Variants in FAR2 observed in about 807,000 individuals in gnomAD.
The protein encoded by FAR2 is fatty acyl-CoA reductase 2.
Under a neutral mutation model 56.0 loss-of-function variants are expected in FAR2, and 19 were observed. The observed-to-expected ratio is 0.34, with a 90% CI of 0.24 to 0.50. FAR2 has a LOEUF of 0.50. Among genes scored for constraint, FAR2 ranks in the 20% least tolerant of loss-of-function variants. The pLI is 0.98. For synonymous variants in FAR2, 219 were observed against 218.8 expected (o/e 1.00, Z -0.01); for missense variants, 508 against 642.2 (o/e 0.79, Z 2.26).
chr12:29,321,168 C>CA (rs1949545033), intron 9 of FAR2, among the ~76,000 whole-genome samples: 1 of 151,570 alleles, frequency 6.6e-6, no homozygotes, highest in African/African-American at 2.4e-5. Flanking sequence ...CACTTCTGCC[C>CA]AAAAGTTACA....
intron 1 of FAR2, among the ~76,000 whole-genome samples, chr12:29,151,106 T>G (rs576696167): frequency 1.3e-5 from 2 of 152,204 alleles, no homozygotes; most frequent in Non-Finnish European, 2.9e-5. Flanking sequence ...CATTCTTGAG[T>G]GCATTTGTTT....
chr12:29,193,569 G>C (rs1371266673), intron 1 of FAR2, among the ~76,000 whole-genome samples: 1 of 152,110 alleles, frequency 6.6e-6, no homozygotes, highest in Non-Finnish European at 1.5e-5. Context: ...TCTTCTCATG[G>C]CTTGATAGCT....
chr12:29,189,250 G>T (rs1950077631), intron 1 of FAR2, among the ~76,000 whole-genome samples: 1 of 152,094 alleles, frequency 6.6e-6, no homozygotes, highest in Admixed American at 6.5e-5. Flanking sequence ...ATTTATATCA[G>T]TACAAACTCA....
intron 1 of FAR2, among the ~76,000 whole-genome samples, chr12:29,264,947 AAATACCTACAAATTAACC>A (rs931507396): frequency 9.2e-5 from 14 of 152,304 alleles, no homozygotes; most frequent in African/African-American, 3.4e-4. Context: ...ATAAAAAATT[AAATACCTACAAATTAACC>A]AATGAAATAA....
intron 1 of FAR2, among the ~76,000 whole-genome samples, chr12:29,220,474 G>A (rs1191851205): frequency 2.0e-5 from 3 of 152,160 alleles, no homozygotes; most frequent in Non-Finnish European, 4.4e-5. Flanking sequence ...TAATGGATGA[G>A]TATGCAGAAA....
chr12:29,300,651 G>GTT (rs1263973533), intron 4 of FAR2, among the ~76,000 whole-genome samples: 1 of 151,880 alleles, frequency 6.6e-6, no homozygotes, highest in Non-Finnish European at 1.5e-5. Context: ...TGTTGTTGTT[G>GTT]TTGTTGTTAA....
At chr12:29,273,633 G>A (rs898883514) in intron 2 of FAR2, among the ~76,000 whole-genome samples, 1 of 152,256 alleles carries the variant, frequency 6.6e-6, no homozygotes, top group Non-Finnish European at 1.5e-5. Flanking sequence ...CCCCCAAGGA[G>A]CTCAAATGGC....
intron 2 of FAR2, among the ~76,000 whole-genome samples, chr12:29,290,171 T>C (rs1234323886): frequency 1.3e-5 from 2 of 151,992 alleles, no homozygotes; most frequent in African/African-American, 4.8e-5. Flanking sequence ...ATGGGCCAGG[T>C]GTGGTGGCTC....
chr12:29,192,647 T>A (rs1291455457), intron 1 of FAR2, among the ~76,000 whole-genome samples: 1 of 152,240 alleles, frequency 6.6e-6, no homozygotes, highest in African/African-American at 2.4e-5. Context: ...AAATAATATT[T>A]GTTATATTAT....
intron 1 of FAR2, among the ~76,000 whole-genome samples, chr12:29,201,882 C>T (rs1318457200): frequency 6.6e-6 from 1 of 152,170 alleles, no homozygotes; most frequent in Non-Finnish European, 1.5e-5. Flanking sequence ...GTGCAGATTT[C>T]CACCACTACA....
intron 1 of FAR2, among the ~76,000 whole-genome samples, chr12:29,173,622 C>T (rs1949908786): frequency 6.6e-6 from 1 of 152,068 alleles, no homozygotes; most frequent in Admixed American, 6.6e-5. Context: ...AATGTGTTGC[C>T]TCTTTTTCAG....
intron 1 of FAR2, among the ~76,000 whole-genome samples, chr12:29,236,617 T>C (rs775308513): frequency 6.6e-6 from 1 of 152,046 alleles, no homozygotes; most frequent in Non-Finnish European, 1.5e-5. Flanking sequence ...CTCATGAGAA[T>C]TCACTCACTA....
Position 29,216,980 on chromosome 12 carries a change from A to G in FAR2, c.-38-53432A>G, listed in dbSNP as rs370674448. 2.8e-4 allele frequency among the ~76,000 whole-genome samples: 42 copies of G among 152,364 alleles called. 1 individual carries two copies. The East Asian group carries it at 7.5e-3, about 27-fold the overall frequency. On this transcript the variant is annotated intron_variant, in intron 1 of 11. Transcript: ENST00000536681. ...ACACCAGAGCTATCCGTCATAAGGT[A>G]AGGCTCTCTAATCGCTGGCATTTAA...
chr12:29,224,315 G>A (rs1947732839), intron 1 of FAR2, among the ~76,000 whole-genome samples: 1 of 152,212 alleles, frequency 6.6e-6, no homozygotes, highest in Non-Finnish European at 1.5e-5. Flanking sequence ...CAATTCTGCA[G>A]TAAGTTTCTG....
chr12:29,199,262 TAAAG>T lies in FAR2; in HGVS notation c.-39+49858_-39+49861del, dbSNP rs940235181. Among the ~76,000 whole-genome samples, 4 of 152,250 alleles carry T rather than the reference TAAAG, an allele frequency of 2.6e-5. No individual in the cohort carries two copies. In the East Asian group the frequency reaches 7.7e-4, roughly 29 times the overall value. On this transcript the variant is annotated intron_variant, in intron 1 of 11. Transcript: ENST00000536681. ...AATCATATTAACAAGGCATAAAAAT[TAAAG>T]AACTGTCAGCAAGAGAATGAAATGA...
At chr12:29,222,051 G>T (rs1201132429) in intron 1 of FAR2, among the ~76,000 whole-genome samples, 1 of 152,080 alleles carries the variant, frequency 6.6e-6, no homozygotes, top group Non-Finnish European at 1.5e-5. Context: ...GTTTCACCAT[G>T]TTGGGCAGGC....
chr12:29,214,479 A>G (rs1443171694), intron 1 of FAR2, among the ~76,000 whole-genome samples: 3 of 152,226 alleles, frequency 2.0e-5, no homozygotes, highest in African/African-American at 7.2e-5. Flanking sequence ...TAGCAAATAA[A>G]TAAATGAGAA....
intron 4 of FAR2, 114 bp downstream of exon 4, chr12:29,297,314 G>A: frequency 9.9e-7 from 1 of 1,014,302 alleles, no homozygotes; most frequent in Non-Finnish European, 1.5e-6. Flanking sequence ...GAAGCAAAAT[G>A]TTTTGAAACG....
intron 4 of FAR2, among the ~76,000 whole-genome samples, chr12:29,302,411 G>T (rs1414963008): frequency 6.6e-6 from 1 of 152,114 alleles, no homozygotes; most frequent in Non-Finnish European, 1.5e-5. Flanking sequence ...ACTTGGAAGA[G>T]TGGATAGAGT....
Sources: allele counts gnomAD v4.1 joint callset (sites outside exome capture counted in the v4.1 genomes callset), GRCh38; gene constraint gnomAD v4.1.1; transcripts MANE v1.5; gene names NCBI Gene and HGNC (gene_info 2026-07-23, HGNC 2026-07-21).